Variants in SRGAP3 observed in about 807,000 individuals in gnomAD.
The protein encoded by SRGAP3 is SLIT-ROBO Rho GTPase activating protein 3.
Under a neutral mutation model 121.1 loss-of-function variants are expected in SRGAP3, and 39 were observed. The ratio of observed to expected loss-of-function variants is 0.32; its 90% CI spans 0.25 to 0.42. SRGAP3 has a LOEUF of 0.42. Among genes scored for constraint, SRGAP3 ranks in the 10% least tolerant of loss-of-function variants. The probability of loss-of-function intolerance (pLI) is 1.00; values close to 1 mark genes in which losing one functional copy is unlikely to be tolerated. For synonymous variants in SRGAP3, 601 were observed against 570.0 expected (o/e 1.05, Z -0.77); for missense variants, 1,213 against 1,470.6 (o/e 0.82, Z 2.86).
intron 1 of SRGAP3, among the ~76,000 whole-genome samples, chr3:9,198,706 C>T (rs1145155): frequency 2.6e-5 from 4 of 151,996 alleles, no homozygotes; most frequent in Non-Finnish European, 2.9e-5. Context: ...AGGATGAATA[C>T]GTCAATAGGT....
rs1941418683 is a variant in SRGAP3 at position 8,981,627 on chromosome 3, C to A, written c.*3892G>T. On this transcript the variant is annotated 3_prime_UTR_variant, in exon 22 of 22. Coordinates refer to ENST00000383836, the MANE Select transcript of SRGAP3 (RefSeq NM_014850.4). ...ACCCAACAAGGCACTCCAAGGGACT[C>A]CAACAGAGAAGAAAGCCCCACATAA... is the stretch of plus-strand genomic sequence containing the variant. The A allele has an allele frequency of 4.3e-6, 1 of 232,556 alleles. No homozygotes were observed. Among genetic ancestry groups the A allele is most frequent in the Non-Finnish European group, 8.5e-6 (1 of 117,408 alleles). The allele number at this position is 232,556 out of a possible 1,614,324, so 14.4% of individuals were successfully genotyped here.
At chr3:9,248,803 G>A (rs1025797171) in intron 1 of SRGAP3, 82 bp downstream of exon 1, 4 of 1,374,718 alleles carry the variant, frequency 2.9e-6, no homozygotes, top group Non-Finnish European at 4.1e-6. Flanking sequence ...AGAGGAAAAC[G>A]GGGGGCAGCG....
chr3:9,314,446 G>A (rs1245490855), intron 3 of SRGAP3, among the ~76,000 whole-genome samples: 1 of 152,078 alleles, frequency 6.6e-6, no homozygotes, highest in East Asian at 1.9e-4. Flanking sequence ...AAAGAAGAAA[G>A]AAGGAAGGAG....
chr3:9,141,553 G>GTGTGTGTGTGTGTGTGTGTGTGT (rs1949847755), intron 1 of SRGAP3, among the ~76,000 whole-genome samples: 1 of 138,392 alleles, frequency 7.2e-6, no homozygotes, highest in African/African-American at 2.7e-5. Context: ...TGACTTCAGG[G>GTGTGTGTGTGTGTGTGTGTGTGT]GTGTGTGTGT....
chr3:9,356,331 A>C (rs1290593734), intron 1 of SRGAP3, among the ~76,000 whole-genome samples: 12 of 139,314 alleles, frequency 8.6e-5, no homozygotes, highest in African/African-American at 3.3e-4. Flanking sequence ...AGCTGGGACC[A>C]CAGGTATGCA....
chr3:9,020,074 C>T (rs1305911387), intron 14 of SRGAP3, among the ~76,000 whole-genome samples: 1 of 152,214 alleles, frequency 6.6e-6, no homozygotes, highest in Non-Finnish European at 1.5e-5. Flanking sequence ...GGTTCCAATA[C>T]CACCATTCTC....
At chr3:9,064,710 G>T in intron 4 of SRGAP3, 129 bp from the exon 5 acceptor site, 1 of 1,002,178 alleles carries the variant, frequency 1.0e-6, no homozygotes, top group Non-Finnish European at 1.5e-6. Flanking sequence ...ACACACTCTG[G>T]GCACCTGCCT....
intron 3 of SRGAP3, among the ~76,000 whole-genome samples, chr3:9,303,118 T>C (rs1231705789): frequency 6.6e-6 from 1 of 152,116 alleles, no homozygotes; most frequent in Non-Finnish European, 1.5e-5. Flanking sequence ...TTTGTTTGTT[T>C]GTTTTTAATT....
chr3:9,203,835 C>T (rs987999518), intron 1 of SRGAP3, among the ~76,000 whole-genome samples: 1 of 152,208 alleles, frequency 6.6e-6, no homozygotes. Flanking sequence ...GTGCAAATGG[C>T]TTTCATACCC....
At chr3:9,194,092 C>G (rs1048424820) in intron 1 of SRGAP3, 1 of 152,140 alleles carries the variant, frequency 6.6e-6, no homozygotes, top group African/African-American at 2.4e-5. Flanking sequence ...CCATTCCACC[C>G]AGAAGAAAGA....
At chr3:9,294,485 C>T (rs747648296) in intron 3 of SRGAP3, among the ~76,000 whole-genome samples, 3 of 152,020 alleles carry the variant, frequency 2.0e-5, no homozygotes, top group Non-Finnish European at 4.4e-5. Flanking sequence ...ACACATTTAC[C>T]TATGTAGCAA....
At chr3:9,175,691 T>C (rs1210556105) in intron 1 of SRGAP3, among the ~76,000 whole-genome samples, 1 of 152,250 alleles carries the variant, frequency 6.6e-6, no homozygotes, top group Non-Finnish European at 1.5e-5. Context: ...GAGTTGAGCC[T>C]GTGCCAGGTC....
At chr3:9,259,783 G>A (rs528529845) in intron 3 of SRGAP3, among the ~76,000 whole-genome samples, 1 of 150,838 alleles carries the variant, frequency 6.6e-6, no homozygotes, top group Non-Finnish European at 1.5e-5. Flanking sequence ...TGGCAAGTGT[G>A]ACTGCAGAAT....
intron 12 of SRGAP3, among the ~76,000 whole-genome samples, chr3:9,031,875 A>G (rs969442375): frequency 6.6e-6 from 1 of 152,164 alleles, no homozygotes; most frequent in Non-Finnish European, 1.5e-5. Context: ...AAGTAATGTT[A>G]AGAGTGCTTC....
chr3:9,045,914 C>T (rs918003514), intron 10 of SRGAP3, among the ~76,000 whole-genome samples: 1 of 152,062 alleles, frequency 6.6e-6, no homozygotes, highest in Non-Finnish European at 1.5e-5. Flanking sequence ...TTAGAAGCTG[C>T]CCCCATGGCA....
intron 1 of SRGAP3, among the ~76,000 whole-genome samples, chr3:9,354,991 C>T (rs568903555): frequency 2.2e-4 from 33 of 152,222 alleles, no homozygotes; most frequent in Middle Eastern, 3.4e-3. Context: ...CTGATATAAA[C>T]GAACATACCA....
chr3:9,285,029 G>A (rs1445078929), intron 3 of SRGAP3, among the ~76,000 whole-genome samples: 1 of 152,046 alleles, frequency 6.6e-6, no homozygotes, highest in African/African-American at 2.4e-5. Flanking sequence ...GACCTCACAG[G>A]GATCACTACT....
At chr3:9,062,548 C>G (rs1274932773) in intron 5 of SRGAP3, among the ~76,000 whole-genome samples, 1 of 152,140 alleles carries the variant, frequency 6.6e-6, no homozygotes, top group South Asian at 2.1e-4. Flanking sequence ...CTTCTTTAGC[C>G]CCTGGAAACC....
chr3:9,336,061 C>A (rs1333912890), intron 1 of SRGAP3, among the ~76,000 whole-genome samples: 2 of 152,240 alleles, frequency 1.3e-5, no homozygotes, highest in South Asian at 2.1e-4. Context: ...TTTCTCTATT[C>A]ATTTGTAACG....
Sources: gnomAD v4.1 joint callset for allele counts (sites outside exome capture counted in the v4.1 genomes callset) on GRCh38, gnomAD v4.1.1 for gene constraint, MANE v1.5 for transcripts, NCBI Gene and HGNC (gene_info 2026-07-23, HGNC 2026-07-21) for gene names.